Variants in MCMBP observed in about 807,000 individuals in gnomAD.
The protein encoded by MCMBP is mini-chromosome maintenance complex-binding protein.
In MCMBP, 31 loss-of-function variants were observed where a neutral mutation model predicts 81.3. The observed-to-expected ratio is 0.38, with a 90% CI of 0.29 to 0.51. The LOEUF (loss-of-function observed/expected upper bound fraction) is 0.51. Ranked by LOEUF, MCMBP falls within the 20% of genes least tolerant of loss-of-function variation. The pLI, the probability that MCMBP is intolerant of heterozygous loss-of-function variation, is 0.87. For synonymous variants in MCMBP, 267 were observed against 275.9 expected, an observed-to-expected ratio of 0.97 and a Z score of 0.32; for missense variants, 645 against 772.1, an observed-to-expected ratio of 0.84 and a Z score of 1.95.
chr10:119,840,868 C>A lies in MCMBP; in HGVS notation c.1217G>T (p.Arg406Leu). Residue 406 changes from arginine to leucine, a missense_variant, in exon 11 of 16, where the codon CGA (arginine) becomes CTA (leucine). Coordinates refer to ENST00000369077, the MANE Select transcript of MCMBP (RefSeq NM_001256378.2). The part of the protein sequence containing the change: ...RNSTFTEHLY[R>L]IIQHLVPASF... ...TGCTGGAACAAGATGTTGAATAATT[C>A]GATACAAGTGTTCTGTGAAGGTACT... The A allele has an allele frequency of 5.0e-6, 8 of 1,600,638 alleles. No homozygotes were observed. Among genetic ancestry groups the A allele is most frequent in the Non-Finnish European group, 6.8e-6 (8 of 1,174,788 alleles).
At chr10:119,870,395 C>T (rs892220886) in intron 1 of MCMBP, among the ~76,000 whole-genome samples, 2 of 151,528 alleles carry the variant, frequency 1.3e-5, no homozygotes, top group Middle Eastern at 3.4e-3. Context: ...TGCAGTGAGC[C>T]GAGATTGCGC....
rs1320009235 is a variant in MCMBP, at chr10:119,849,668, G to T, written c.575-92C>A. ...TAAGTGCCTTTCAAGTTTGATATAC[G>T]TGATGCTTCTGAGCTTGCAAAGTTC... On this transcript the variant is annotated intron_variant, in intron 6 of 15. Coordinates refer to ENST00000369077, the MANE Select transcript of MCMBP (RefSeq NM_001256378.2). 3 of 1,179,252 alleles carry T rather than the reference G, an allele frequency of 2.5e-6. No homozygotes were observed. The African/African-American group carries it at 4.8e-5, about 19-fold the overall frequency. 73.0% of individuals were successfully genotyped at this position (1,179,252 alleles called of 1,614,324 possible).
At chr10:119,838,017 C>T (rs571513985) in intron 12 of MCMBP, among the ~76,000 whole-genome samples, 21 of 151,896 alleles carry the variant, frequency 1.4e-4, no homozygotes, top group African/African-American at 4.6e-4. Context: ...CCATTCCTTA[C>T]ACTCACTGAA....
At chr10:119,873,079 G>A (rs1853771870), upstream of MCMBP, among the ~76,000 whole-genome samples, 1 of 152,056 alleles carries the variant, frequency 6.6e-6, no homozygotes, top group Non-Finnish European at 1.5e-5. Context: ...TGTACCCCTG[G>A]GCCGGCGTGT....
chr10:119,835,633 G>C lies in MCMBP; in HGVS notation c.1614C>G (p.Leu538=). ...PNMEEYMNSL[L]SAVLPSVLNK... is the part of the protein sequence containing the mutation. ...TCAGCACGGAAGGCAGCACCGCTGAGAGAAGGCTGTTCATGTACTCCTCCA... is the reference window on the plus strand; with the variant it reads ...TCAGCACGGAAGGCAGCACCGCTGACAGAAGGCTGTTCATGTACTCCTCCA... Residue 538 remains leucine, a synonymous_variant, in exon 14 of 16, where the codon CTC becomes CTG. Coordinates refer to ENST00000369077, the MANE Select transcript of MCMBP (RefSeq NM_001256378.2). The C allele has an allele frequency of 6.2e-7, 1 of 1,614,260 alleles. No individual in the cohort carries two copies.
chr10:119,848,593 A>G (rs958128195), intron 7 of MCMBP, among the ~76,000 whole-genome samples: 2 of 152,194 alleles, frequency 1.3e-5, no homozygotes, highest in African/African-American at 4.8e-5. Context: ...AGCCTGGACA[A>G]GAGAGTGAGA....
intron 14 of MCMBP, among the ~76,000 whole-genome samples, chr10:119,833,635 T>C (rs1330248595): frequency 6.6e-6 from 1 of 152,176 alleles, no homozygotes; most frequent in African/African-American, 2.4e-5. Flanking sequence ...TGCTACTTAC[T>C]ATTCCAGCCT....
At chr10:119,841,095 GAAT>G in intron 10 of MCMBP, 135 bp from the exon 11 acceptor site, 1 of 655,020 alleles carries the variant, frequency 1.5e-6, no homozygotes, top group Non-Finnish European at 2.7e-6. Context: ...TATTTTATCA[GAAT>G]AACAGCAATA....
chr10:119,858,048 T>A (rs1853114643), intron 4 of MCMBP: 1 of 152,280 alleles, frequency 6.6e-6, no homozygotes, highest in African/African-American at 2.4e-5. Flanking sequence ...TTCCATAAAA[T>A]AAACACTGTG....
At chr10:119,851,902 C>T (rs1319627856) in intron 6 of MCMBP, among the ~76,000 whole-genome samples, 2 of 152,010 alleles carry the variant, frequency 1.3e-5, no homozygotes, top group Non-Finnish European at 2.9e-5. Flanking sequence ...CCTGTAATCC[C>T]AGAACTTTGG....
rs1260942552 is a variant in MCMBP at position 119,830,163 on chromosome 10, T to A, written c.*1311A>T. The A allele has an allele frequency of 3.3e-5, 5 of 152,666 alleles. No homozygotes were observed. Among genetic ancestry groups the A allele is most frequent in the African/African-American group, 1.2e-4 (5 of 41,458 alleles). The allele number at this position is 152,666 out of a possible 1,614,324, so 9.5% of individuals were successfully genotyped here. On this transcript the variant is annotated 3_prime_UTR_variant, in exon 16 of 16. Coordinates refer to ENST00000369077, the MANE Select transcript of MCMBP (RefSeq NM_001256378.2). ...ATTAGGTACAATGAATTCCTTGATT[T>A]TTCAAGGCTGACCCTGTTTCCTTGG...
chr10:119,843,103 A>G, intron 9 of MCMBP, 151 bp downstream of exon 9: 1 of 851,512 alleles, frequency 1.2e-6, no homozygotes, highest in Non-Finnish European at 1.9e-6. Flanking sequence ...TGTAAGAGAA[A>G]AATGGGGCAA....
At position 119,869,121 on chromosome 10, in the gene MCMBP, C is replaced by T. The variant is rs1331771052; in HGVS notation, c.58+3406G>A. 5.3e-5 allele frequency among the ~76,000 whole-genome samples: 8 copies of T among 152,198 alleles called. No individual in the cohort carries two copies. In the South Asian group the frequency reaches 1.2e-3, roughly 24 times the overall value. ...GTTCCAGCGTCCAGGAAAGAGACTA[C>T]GATGGCTTTAATTTTGACAGTAGCA... On this transcript the variant is annotated intron_variant, in intron 1 of 15. Transcript: ENST00000369077.
chr10:119,839,444 AGAG>A (rs1460006334), intron 11 of MCMBP, among the ~76,000 whole-genome samples: 33 of 152,186 alleles, frequency 2.2e-4, no homozygotes, highest in Admixed American at 1.7e-3. Context: ...GCGAAAATTT[AGAG>A]GAGTTTTGTG....
chr10:119,842,497 G>A lies in MCMBP; in HGVS notation c.1099C>T (p.Leu367Phe). The A allele has an allele frequency of 1.2e-6, 2 of 1,613,690 alleles. No homozygotes were observed. Among genetic ancestry groups the A allele is most frequent in the South Asian group, 2.2e-5 (2 of 91,070 alleles). ...ACTGTGGAGATGAGATGTAATATAA[G>A]GTATTCAGCAGCCAAACTATCCCCC... ...LLGDSLAAEY[L>F]ILHLISTVYT... Residue 367 changes from leucine (L) to phenylalanine (F), a missense_variant, in exon 10 of 16, where the codon CTT becomes TTT. Leu to Phe is a conservative substitution (Grantham distance 22). Transcript: ENST00000369077.
At chr10:119,857,737 T>C in intron 4 of MCMBP, 1 of 191,602 alleles carries the variant, frequency 5.2e-6, no homozygotes, top group Non-Finnish European at 1.1e-5. Context: ...TATGATGTTA[T>C]CTAGGCCTTT....
intron 5 of MCMBP, among the ~76,000 whole-genome samples, chr10:119,854,228 G>C (rs113400094): frequency 0.17 from 25,020 of 151,632 alleles, 2,422 homozygotes; most frequent in Non-Finnish European, 0.22. Context: ...TTTTTGTAGA[G>C]ACAGAGTATT....
chr10:119,832,000 T>C lies in MCMBP; in HGVS notation c.1796+12A>G. ...CTTACCGAAACAGCAATAATGGACGTGCGCCACTTACCGAGCCACCACGAG... is the reference window on the plus strand; with the variant it reads ...CTTACCGAAACAGCAATAATGGACGCGCGCCACTTACCGAGCCACCACGAG... On this transcript the variant is annotated intron_variant, in intron 15 of 15. Transcript: ENST00000369077. 1.9e-6 allele frequency: 3 copies of C among 1,606,358 alleles called. No individual in the cohort carries two copies. The highest frequency in any genetic ancestry group is 2.5e-6 in the Non-Finnish European group (3 of 1,176,930).
At position 119,834,861 on chromosome 10, in the gene MCMBP, CAAAAAAAAAAA is replaced by C. The variant is rs71019725; in HGVS notation, c.1707+668_1707+678del. Among the ~76,000 whole-genome samples, 315 of 67,308 alleles carry C rather than the reference CAAAAAAAAAAA, an allele frequency of 4.7e-3. 2 individuals carry two copies. The highest frequency in any genetic ancestry group is 0.02 in the African/African-American group (307 of 15,730). The allele number at this position is 67,308 out of a possible 152,430, so 44.2% of individuals were successfully genotyped here. A position where few individuals can be genotyped will look rare whatever the true frequency, so the allele number is the denominator to read the frequency against. ...TGGATGACACAGCGAGACCCTGTCT[CAAAAAAAAAAA>C]AAAAAAAAAAAAAGAATTTGCACAA... On this transcript the variant is annotated intron_variant, in intron 14 of 15. Coordinates refer to ENST00000369077, the MANE Select transcript of MCMBP (RefSeq NM_001256378.2).
Sources: allele counts gnomAD v4.1 joint callset (sites outside exome capture counted in the v4.1 genomes callset), GRCh38; gene constraint gnomAD v4.1.1; transcripts MANE v1.5; gene names NCBI Gene and HGNC (gene_info 2026-07-23, HGNC 2026-07-21).